Variants in RIN3 observed in about 807,000 individuals in gnomAD.
RIN3 encodes the protein Ras and Rab interactor 3, also known as RAB5 interacting protein 3.
A neutral mutation model predicts 76.3 loss-of-function variants in RIN3; 54 were observed. That is an observed-to-expected ratio of 0.71 (90% CI 0.57 to 0.89). RIN3 has a LOEUF of 0.89. Ranked by LOEUF, RIN3 falls within the 40% of genes least tolerant of loss-of-function variation. The pLI is 0.00. For missense variants in RIN3, 1,256 were observed against 1,322.1 expected, an observed-to-expected ratio of 0.95 and a Z score of 0.78; for synonymous variants, 576 against 564.0, an observed-to-expected ratio of 1.02 and a Z score of -0.30.
chr14:92,529,318 G>A (rs964740834), intron 1 of RIN3, among the ~76,000 whole-genome samples: 2 of 146,950 alleles, frequency 1.4e-5, no homozygotes, highest in Middle Eastern at 3.4e-3. Flanking sequence ...GTGTGATCTC[G>A]GCTCACTGCA....
In RIN3 at chr14:92,550,725, TTA is replaced by T. The variant is rs577395232; in HGVS notation, c.45-5024_45-5023del. Among the ~76,000 whole-genome samples, 190 of 152,342 alleles carry T rather than the reference TTA, an allele frequency of 1.2e-3. 2 individuals are homozygous for T. The highest frequency in any genetic ancestry group is 4.5e-3 in the African/African-American group (186 of 41,568). ...GGCGTGAGCCACAGCGCCCAGCTTATTATGTTTTCACAGGTGATTAAACTGAA... is the reference window on the plus strand; with the variant it reads ...GGCGTGAGCCACAGCGCCCAGCTTATTGTTTTCACAGGTGATTAAACTGAA... On this transcript the variant is annotated intron_variant, in intron 1 of 9. Coordinates refer to ENST00000216487, the MANE Select transcript of RIN3 (RefSeq NM_024832.5).
chr14:92,627,513 A>T (rs1886398418), intron 4 of RIN3, among the ~76,000 whole-genome samples: 1 of 152,210 alleles, frequency 6.6e-6, no homozygotes, highest in Non-Finnish European at 1.5e-5. Context: ...GGTGCCTATG[A>T]TCATTCACAC....
At position 92,555,828 on chromosome 14, in the gene RIN3, A is replaced by G. The variant is rs1184429170; in HGVS notation, c.122A>G (p.Lys41Arg). ...GMRLCLPANPKNCLPHRRGIS... is the reference protein window; with the variant it reads ...GMRLCLPANPRNCLPHRRGIS... The stretch of plus-strand genomic sequence containing the variant: ...CGGCTTTGTCTGCCAGCCAACCCGA[A>G]AAACTGCCTTCCTCACCGCCGGGGC... The change falls in exon 2 of 10, where the codon AAA becomes AGA. Residue 41 changes from lysine to arginine, a missense_variant. Lys to Arg is a conservative substitution (Grantham distance 26, BLOSUM62 2). Coordinates refer to ENST00000216487, the MANE Select transcript of RIN3 (RefSeq NM_024832.5). 5.0e-6 allele frequency: 8 copies of G among 1,614,076 alleles called. No individual in the cohort carries two copies. Among genetic ancestry groups the G allele is most frequent in the Non-Finnish European group, 6.8e-6 (8 of 1,180,044 alleles).
chr14:92,529,153 G>A (rs2140001920), intron 1 of RIN3, among the ~76,000 whole-genome samples: 1 of 152,262 alleles, frequency 6.6e-6, no homozygotes, highest in Non-Finnish European at 1.5e-5. Flanking sequence ...CCTAACAAAG[G>A]GATACTTACA....
chr14:92,589,732 G>A (rs1379414719), intron 3 of RIN3, among the ~76,000 whole-genome samples: 1 of 152,220 alleles, frequency 6.6e-6, no homozygotes, highest in Admixed American at 6.5e-5. Flanking sequence ...TAAAAAGTTA[G>A]TTGTCTCTCC....
At chr14:92,526,992 A>G (rs7160605) in intron 1 of RIN3, among the ~76,000 whole-genome samples, 1 of 145,302 alleles carries the variant, frequency 6.9e-6, no homozygotes, top group Non-Finnish European at 1.5e-5. Context: ...CCATTCTCGG[A>G]CTCCATTGTC....
Position 92,649,382 on chromosome 14 carries a change from GGCAA to G in RIN3, c.533-2199_533-2196del, listed in dbSNP as rs543643634. Among the ~76,000 whole-genome samples, 548 of 152,232 alleles carry G rather than the reference GGCAA, an allele frequency of 3.6e-3. 4 individuals are homozygous for G. Among genetic ancestry groups the G allele is most frequent in the African/African-American group, 0.013 (523 of 41,518 alleles). On this transcript the variant is annotated intron_variant, in intron 5 of 9. Transcript: ENST00000216487. ...TCCTTGCTAGGAAAACTCCCAAGGA[GGCAA>G]CTTTGTTGGGCCTGTGTAGACATGG...
At chr14:92,567,218 G>A (rs1897937096) in intron 2 of RIN3, among the ~76,000 whole-genome samples, 1 of 152,272 alleles carries the variant, frequency 6.6e-6, no homozygotes, top group South Asian at 2.1e-4. Flanking sequence ...GAGAGTAGGG[G>A]GATACCCAAA....
chr14:92,652,530 C>T lies in RIN3; in HGVS notation c.1481C>T (p.Thr494Met), dbSNP rs938453022. 1.2e-5 allele frequency: 20 copies of T among 1,613,658 alleles called. No individual in the cohort carries two copies. The highest frequency in any genetic ancestry group is 5.3e-5 in the African/African-American group (4 of 74,938). The change falls in exon 6 of 10, where the codon ACG becomes ATG. Residue 494 changes from threonine (T) to methionine (M), a missense_variant. Thr to Met is a moderately conservative substitution (Grantham distance 81). Transcript: ENST00000216487. This position sits in a 1 kb window ranked among gnomAD's most constrained non-coding sequence, Gnocchi z 6.4. ...CAGGCGATGGCCTTGGAGACACCCACGCCGGGTCCACCCAGAGAGGGCCAA... is the reference window on the plus strand; with the variant it reads ...CAGGCGATGGCCTTGGAGACACCCATGCCGGGTCCACCCAGAGAGGGCCAA... Reference protein sequence around the residue: ...CTQAMALETPTPGPPREGQSP... With the variant: ...CTQAMALETPMPGPPREGQSP...
intron 3 of RIN3, among the ~76,000 whole-genome samples, chr14:92,606,622 A>C (rs899662602): frequency 1.3e-5 from 2 of 152,226 alleles, no homozygotes; most frequent in East Asian, 1.9e-4. Flanking sequence ...TTTTGCCAAG[A>C]ATATATGGAA....
chr14:92,668,542 G>A (rs537818497), intron 7 of RIN3, among the ~76,000 whole-genome samples: 1 of 152,194 alleles, frequency 6.6e-6, no homozygotes. Flanking sequence ...TGTGCAAAGT[G>A]CAAGCAACCA....
intron 4 of RIN3, among the ~76,000 whole-genome samples, chr14:92,616,576 G>A (rs188602498): frequency 4.0e-5 from 6 of 150,232 alleles, no homozygotes; most frequent in Admixed American, 4.0e-4. Flanking sequence ...GAGGCAGAGG[G>A]ACCAATGATC....
At chr14:92,651,497 G>T in intron 5 of RIN3, 85 bp from the exon 6 acceptor site, 24 of 552,024 alleles carry the variant, frequency 4.3e-5, no homozygotes, top group Non-Finnish European at 6.1e-5. Flanking sequence ...TCCCACCCGT[G>T]GACCCCGCCC....
intron 1 of RIN3, among the ~76,000 whole-genome samples, chr14:92,533,032 C>T (rs1218130084): frequency 6.6e-6 from 1 of 152,176 alleles, no homozygotes; most frequent in East Asian, 1.9e-4. Flanking sequence ...GATTTGCTTT[C>T]CAGAAGAACT....
chr14:92,535,308 C>A (rs913275073), intron 1 of RIN3, among the ~76,000 whole-genome samples: 4 of 150,548 alleles, frequency 2.7e-5, no homozygotes, highest in Non-Finnish European at 5.9e-5. Flanking sequence ...CTTGTGCTTT[C>A]ATTCTTTTTT....
intron 3 of RIN3, among the ~76,000 whole-genome samples, chr14:92,590,703 A>T (rs1217997802): frequency 6.6e-6 from 1 of 152,224 alleles, no homozygotes; most frequent in Non-Finnish European, 1.5e-5. Flanking sequence ...TGCCTGGGAA[A>T]GGGAAATACC....
At chr14:92,517,724 T>C (rs1238970396) in intron 1 of RIN3, among the ~76,000 whole-genome samples, 1 of 152,190 alleles carries the variant, frequency 6.6e-6, no homozygotes, top group Non-Finnish European at 1.5e-5. Context: ...GAAACATGGA[T>C]GTTTTCCCCC....
At position 92,526,181 on chromosome 14, in the gene RIN3, C is replaced by T. The variant is rs143467364; in HGVS notation, c.44+12205C>T. On this transcript the variant is annotated intron_variant, in intron 1 of 9. Transcript: ENST00000216487. ...TTAAAAAACTGAGCTATTGCCCGGGCGAGGTGGTTCACGCCTGTAATCCCA... is the reference window on the plus strand; with the variant it reads ...TTAAAAAACTGAGCTATTGCCCGGGTGAGGTGGTTCACGCCTGTAATCCCA... 6.1e-3 allele frequency among the ~76,000 whole-genome samples: 932 copies of T among 152,216 alleles called. 9 individuals carry two copies. Among genetic ancestry groups the T allele is most frequent in the African/African-American group, 0.019 (789 of 41,522 alleles).
Position 92,513,976 on chromosome 14 carries a change from G to A in RIN3, c.44G>A (p.Gly15Asp), listed in dbSNP as rs886226082. ...AGAPARGDPT[G>D]PVPVVGKGEE... ...GCGCCCGCGCGCGGGGACCCCACGGGGTAAGTCCGGGCGGCCGCCCCCTCC... is the reference window on the plus strand; with the variant it reads ...GCGCCCGCGCGCGGGGACCCCACGGAGTAAGTCCGGGCGGCCGCCCCCTCC... The change falls in exon 1 of 10, where the codon GGT (glycine) becomes GAT (aspartate). Residue 15 changes from glycine (G) to aspartate (D), a missense_variant and splice_region_variant. Gly to Asp is a moderately conservative substitution (Grantham distance 94). Transcript: ENST00000216487. The A allele has an allele frequency of 2.4e-6, 3 of 1,239,664 alleles. No homozygotes were observed. The highest frequency in any genetic ancestry group is 3.0e-6 in the Non-Finnish European group (3 of 991,674). The allele number at this position is 1,239,664 out of a possible 1,614,324, so 76.8% of individuals were successfully genotyped here. A position where few individuals can be genotyped will look rare whatever the true frequency, so the allele number is the denominator to read the frequency against.
Sources: gnomAD v4.1 joint callset for allele counts (sites outside exome capture counted in the v4.1 genomes callset) on GRCh38, gnomAD v4.1.1 for gene constraint, Gnocchi (gnomAD v3.1) non-coding constraint, MANE v1.5 for transcripts, NCBI Gene and HGNC (gene_info 2026-07-23, HGNC 2026-07-21) for gene names.